The following ABCD3 variants were observed in gnomAD, a reference collection of about 807,000 sequenced individuals.
ABCD3 encodes ATP binding cassette subfamily D member 3.
Under a neutral mutation model 105.5 loss-of-function variants are expected in ABCD3, and 41 were observed. The ratio of observed to expected loss-of-function variants is 0.39; its 90% confidence interval spans 0.30 to 0.50. The LOEUF is 0.50. ABCD3 is among the 20% of genes least tolerant of loss of function. ABCD3 has a pLI of 0.84. For synonymous variants in ABCD3, 258 were observed against 269.0 expected (o/e 0.96, Z 0.40); for missense variants, 622 against 806.3 (o/e 0.77, Z 2.77).
At chr1:94,511,993 G>A (rs1378409340) in intron 21 of ABCD3, among the ~76,000 whole-genome samples, 5 of 152,102 alleles carry the variant, frequency 3.3e-5, no homozygotes, top group African/African-American at 7.2e-5. Flanking sequence ...CTCTCAGCTC[G>A]TCAAAGTCAT....
At chr1:94,449,647 G>GT (rs1399216932) in intron 1 of ABCD3, among the ~76,000 whole-genome samples, 1 of 152,202 alleles carries the variant, frequency 6.6e-6, no homozygotes, top group Non-Finnish European at 1.5e-5. Flanking sequence ...GAACGTACTT[G>GT]TTTAGGAAGA....
intron 21 of ABCD3, among the ~76,000 whole-genome samples, chr1:94,513,013 T>C (rs1378341239): frequency 6.6e-6 from 1 of 152,074 alleles, no homozygotes; most frequent in African/African-American, 2.4e-5. Flanking sequence ...CAAGCCCTGC[T>C]AAATCAGAAT....
chr1:94,514,432 TC>T (rs1468015697), intron 21 of ABCD3: 1 of 151,840 alleles, frequency 6.6e-6, no homozygotes, highest in African/African-American at 2.4e-5. Flanking sequence ...ACAGCTATTA[TC>T]TATTAATGTT....
the ABCD3 span, among the ~76,000 whole-genome samples, chr1:94,392,031 G>T: frequency 6.6e-6 from 1 of 152,108 alleles, no homozygotes; most frequent in African/African-American, 2.4e-5. Flanking sequence ...GAAAGTTGGG[G>T]TTTTTTCTTT....
intron 3 of ABCD3, among the ~76,000 whole-genome samples, chr1:94,466,192 A>G (rs1570780922): frequency 1.3e-5 from 2 of 152,288 alleles, no homozygotes; most frequent in South Asian, 4.1e-4. Flanking sequence ...GTTTTGATAT[A>G]TAGTCATCCT....
At chr1:94,397,688 A>AT in the ABCD3 span, among the ~76,000 whole-genome samples, 36 of 151,894 alleles carry the variant, frequency 2.4e-4, no homozygotes, top group Non-Finnish European at 3.4e-4. Context: ...TAAAATTACT[A>AT]TTTTTTTTCC....
the ABCD3 span, among the ~76,000 whole-genome samples, chr1:94,400,567 A>G: frequency 2.6e-5 from 4 of 152,118 alleles, no homozygotes; most frequent in Admixed American, 2.6e-4. Context: ...TCTGAGGCAA[A>G]AGAGAGCAGG....
intron 1 of ABCD3, among the ~76,000 whole-genome samples, chr1:94,445,320 T>C (rs947867212): frequency 6.6e-5 from 10 of 152,088 alleles, no homozygotes; most frequent in Non-Finnish European, 1.5e-4. Flanking sequence ...TACATGGGGC[T>C]CAAACCCAGG....
At chr1:94,465,044 A>G (rs1345281715) in intron 3 of ABCD3, among the ~76,000 whole-genome samples, 171 bp downstream of exon 3, 1 of 152,144 alleles carries the variant, frequency 6.6e-6, no homozygotes, top group Non-Finnish European at 1.5e-5. Flanking sequence ...GAAGCTGGCA[A>G]TCACAGCTGA....
the ABCD3 span, among the ~76,000 whole-genome samples, chr1:94,396,662 CT>C: frequency 2.6e-5 from 4 of 152,072 alleles, no homozygotes; most frequent in Non-Finnish European, 5.9e-5. Flanking sequence ...GTAAATTCTT[CT>C]TAATTTTATA....
At chr1:94,504,791 A>T (rs1298884159) in intron 20 of ABCD3, among the ~76,000 whole-genome samples, 1 of 152,156 alleles carries the variant, frequency 6.6e-6, no homozygotes, top group African/African-American at 2.4e-5. Flanking sequence ...ACTGGAGAGG[A>T]GCAGCAGAAG....
At chr1:94,392,794 T>C in the ABCD3 span, among the ~76,000 whole-genome samples, 28 of 152,256 alleles carry the variant, frequency 1.8e-4, 1 homozygote, top group African/African-American at 6.3e-4. Context: ...GTGACCTTTT[T>C]TTAAAGAAAA....
At position 94,475,593 on chromosome 1, in the gene ABCD3, C is replaced by G. The variant is rs757912844; in HGVS notation, c.504-21C>G. On this transcript the variant is annotated intron_variant, in intron 6 of 22. Transcript: ENST00000370214. ...TTTAAAGTCACTTGTTTTAAAATCA[C>G]TTTTCTTCTTGCTATTTTAGAGCTT... 4 of 1,605,350 alleles carry G rather than the reference C, an allele frequency of 2.5e-6. No individual in the cohort carries two copies. In the South Asian group the frequency reaches 3.3e-5, roughly 13 times the overall value.
the ABCD3 span, among the ~76,000 whole-genome samples, chr1:94,388,003 A>G: frequency 6.6e-6 from 1 of 152,166 alleles, no homozygotes; most frequent in Non-Finnish European, 1.5e-5. Context: ...CAAAGGTCAC[A>G]TAACTTAGAA....
intron 1 of ABCD3, among the ~76,000 whole-genome samples, chr1:94,446,755 A>G (rs879494030): frequency 1.3e-5 from 2 of 152,174 alleles, no homozygotes; most frequent in African/African-American, 2.4e-5. Context: ...GGCCAATTCA[A>G]CCTGTTCAAT....
chr1:94,515,814 T>TTCC (rs1296604964), intron 22 of ABCD3, among the ~76,000 whole-genome samples: 14 of 151,704 alleles, frequency 9.2e-5, no homozygotes, highest in Non-Finnish European at 3.0e-5. Flanking sequence ...TTTATTTTCT[T>TTCC]TCCTCCTCCC....
At chr1:94,395,158 C>T in the ABCD3 span, among the ~76,000 whole-genome samples, 3 of 152,190 alleles carry the variant, frequency 2.0e-5, no homozygotes, top group Non-Finnish European at 4.4e-5. Context: ...AATAATGCTT[C>T]TCTCAATACT....
chr1:94,395,249 G>T, the ABCD3 span, among the ~76,000 whole-genome samples: 1 of 152,194 alleles, frequency 6.6e-6, no homozygotes, highest in Non-Finnish European at 1.5e-5. Context: ...TCAGTCAGGA[G>T]CCTGGCAGGA....
chr1:94,508,310 G>A (rs918304379), intron 21 of ABCD3, among the ~76,000 whole-genome samples: 2 of 152,100 alleles, frequency 1.3e-5, no homozygotes, highest in Non-Finnish European at 2.9e-5. Flanking sequence ...GTAGATATGC[G>A]GCGTTATTTC....
Sources: gnomAD v4.1 joint callset for allele counts (sites outside exome capture counted in the v4.1 genomes callset) on GRCh38, gnomAD v4.1.1 for gene constraint, MANE v1.5 for transcripts, NCBI Gene and HGNC (gene_info 2026-07-23, HGNC 2026-07-21) for gene names.